Variants in MAP1A observed in about 807,000 individuals in gnomAD.
MAP1A encodes the protein microtubule associated protein 1A.
A neutral mutation model predicts 185.9 loss-of-function variants in MAP1A; 42 were observed. The observed-to-expected ratio is 0.23, with a 90% confidence interval of 0.18 to 0.29. MAP1A has a LOEUF of 0.29. Among genes scored for constraint, MAP1A ranks in the 10% least tolerant of loss-of-function variants. MAP1A has a pLI of 1.00. For synonymous variants in MAP1A, 1,229 were observed against 1,335.9 expected (o/e 0.92, Z 1.74); for missense variants, 2,995 against 3,450.4 (o/e 0.87, Z 3.31).
chr15:43,523,053 C>T lies in MAP1A; in HGVS notation c.1580C>T (p.Ser527Leu), dbSNP rs1449810482. ...ISGHRELVLSSPEDLTQDFEE... is the reference protein window; with the variant it reads ...ISGHRELVLSLPEDLTQDFEE... Reference sequence around the variant, plus strand: ...GGGCACAGGGAGCTGGTCCTATCCTCACCAGAGGACCTCACACAGGACTTT... The same window carrying T: ...GGGCACAGGGAGCTGGTCCTATCCTTACCAGAGGACCTCACACAGGACTTT... The change falls in exon 4 of 6, where the codon TCA (serine) becomes TTA (leucine). Residue 527 changes from serine (S) to leucine (L), a missense_variant. Coordinates refer to ENST00000300231, the MANE Select transcript of MAP1A (RefSeq NM_002373.6). The T allele has an allele frequency of 4.3e-6, 7 of 1,614,086 alleles. No homozygotes were observed. Among genetic ancestry groups the T allele is most frequent in the Non-Finnish European group, 5.9e-6 (7 of 1,180,040 alleles).
Position 43,522,416 on chromosome 15 carries a change from C to G in MAP1A, c.943C>G (p.Gln315Glu), listed in dbSNP as rs200067722. 41 of 1,614,010 alleles carry G rather than the reference C, an allele frequency of 2.5e-5. No individual in the cohort carries two copies. Among genetic ancestry groups the G allele is most frequent in the Non-Finnish European group, 2.5e-6 (3 of 1,180,026 alleles). Residue 315 changes from glutamine to glutamate, a missense_variant, in exon 4 of 6, where the codon CAG becomes GAG. Gln to Glu is a conservative substitution (Grantham distance 29, BLOSUM62 2). Transcript: ENST00000300231. This position sits in a 1 kb window ranked among gnomAD's most constrained non-coding sequence, Gnocchi z 5.9. ...PTNLKPSKIK[Q>E]RADSKESLKA... The stretch of plus-strand genomic sequence containing the variant: ...CAACCTCAAGCCCAGCAAAATCAAA[C>G]AGCGGGCTGATAGCAAGGAGAGCCT...
intron 1 of MAP1A, chr15:43,511,287 A>C: frequency 7.5e-7 from 1 of 1,335,542 alleles, no homozygotes; most frequent in Non-Finnish European, 1.0e-6. Flanking sequence ...CGCCTTCTGC[A>C]TTCAACTACC....
chr15:43,520,960 C>T lies in MAP1A; in HGVS notation c.-291-12C>T. The T allele has an allele frequency of 6.5e-7, 1 of 1,548,862 alleles. No individual in the cohort carries two copies. Among genetic ancestry groups the T allele is most frequent in the Non-Finnish European group, 8.7e-7 (1 of 1,145,942 alleles). ...TCCTATATCTGTGACCACTCCCCTT[C>T]TTCCATTCCAGGTTCATCATCTTCT... On this transcript the variant is annotated splice_polypyrimidine_tract_variant and intron_variant, in intron 2 of 5. Transcript: ENST00000300231.
chr15:43,513,460 T>G (rs77311621), upstream of MAP1A, among the ~76,000 whole-genome samples: 84 of 152,352 alleles, frequency 5.5e-4, 2 homozygotes, highest in East Asian at 0.016. Flanking sequence ...AATGATTGAA[T>G]TCATGTCTTA....
Position 43,524,947 on chromosome 15 carries a change from G to A in MAP1A, c.3474G>A (p.Val1158=), listed in dbSNP as rs769132615. ...CAGAATCCCTCTCTGTCCTCAGCGT[G>A]CCCTCCCCAGACACTGCCAACCAAG... ...EDAESLSVLS[V]PSPDTANQEP... is the part of the protein sequence containing the mutation. Residue 1158 remains valine, a synonymous_variant, in exon 4 of 6, where the codon GTG becomes GTA. Transcript: ENST00000300231. The A allele has an allele frequency of 2.2e-5, 36 of 1,613,962 alleles. No individual in the cohort carries two copies. Among genetic ancestry groups the A allele is most frequent in the Admixed American group, 1.0e-4 (6 of 59,982 alleles).
chr15:43,511,161 T>G (rs1404697090), exon 1 of MAP1A: 1 of 1,550,542 alleles, frequency 6.4e-7, no homozygotes. Flanking sequence ...CACTCTTTGC[T>G]AATTGTGATC....
Position 43,527,454 on chromosome 15 carries a change from G to A in MAP1A, c.5981G>A (p.Gly1994Glu). 1.2e-6 allele frequency: 2 copies of A among 1,614,174 alleles called. No individual in the cohort carries two copies. The highest frequency in any genetic ancestry group is 1.7e-6 in the Non-Finnish European group (2 of 1,180,008). ...AGAGAGCCTCCACTTGGAGCAGCTGGGGATTGGCCCCCATGCCTCTCAACC... is the reference window on the plus strand; with the variant it reads ...AGAGAGCCTCCACTTGGAGCAGCTGAGGATTGGCCCCCATGCCTCTCAACC... Reference protein sequence around the residue: ...PTREPPLGAAGDWPPCLSTKE... With the variant: ...PTREPPLGAAEDWPPCLSTKE... Residue 1994 changes from glycine (G) to glutamate (E), a missense_variant, in exon 4 of 6, where the codon GGG becomes GAG. This residue lies in a region of MAP1A where 2,728 missense variants were observed against 2,986.0 expected (regional missense o/e 0.91). Coordinates refer to ENST00000300231, the MANE Select transcript of MAP1A (RefSeq NM_002373.6).
At position 43,521,558 on chromosome 15, in the gene MAP1A, T is replaced by A. The variant is rs1286206227; in HGVS notation, c.85T>A (p.Ser29Thr). The A allele has an allele frequency of 1.9e-6, 3 of 1,614,060 alleles. No individual in the cohort carries two copies. The South Asian group carries it at 3.3e-5, about 18-fold the overall frequency. The change falls in exon 4 of 6, where the codon TCA becomes ACA. Residue 29 changes from serine (S) to threonine (T), a missense_variant. This residue lies in a region of MAP1A where 264 missense variants were observed against 435.3 expected (regional missense o/e 0.61). Coordinates refer to ENST00000300231, the MANE Select transcript of MAP1A (RefSeq NM_002373.6). This position sits in a 1 kb window ranked among gnomAD's most constrained non-coding sequence, Gnocchi z 4.6. ...SPFDLLEPPT[S>T]GGFLKLSKPC... is the part of the protein sequence containing the mutation. ...ATTTGACCTACTAGAGCCCCCCACCTCAGGGGGCTTCCTCAAGCTCTCCAA... is the reference window on the plus strand; with the variant it reads ...ATTTGACCTACTAGAGCCCCCCACCACAGGGGGCTTCCTCAAGCTCTCCAA...
In MAP1A at chr15:43,524,544, T is replaced by A. The variant is rs746910862; in HGVS notation, c.3071T>A (p.Phe1024Tyr). The change falls in exon 4 of 6, where the codon TTT becomes TAT. Residue 1024 changes from phenylalanine to tyrosine, a missense_variant. Around this residue, in one of 3 missense-constraint regions of MAP1A, gnomAD observed 2,728 missense variants for 2,986.0 expected, o/e 0.91. Coordinates refer to ENST00000300231, the MANE Select transcript of MAP1A (RefSeq NM_002373.6). ...GAAGAAAAGTCTGAGCCCCAAGACTTTCAGGAGGCAGACTCCTGGGGAGAC... is the reference window on the plus strand; with the variant it reads ...GAAGAAAAGTCTGAGCCCCAAGACTATCAGGAGGCAGACTCCTGGGGAGAC... ...PVEEKSEPQD[F>Y]QEADSWGDTK... 8.7e-6 allele frequency: 14 copies of A among 1,614,048 alleles called. 1 individual carries two copies. In the South Asian group the frequency reaches 1.3e-4, roughly 15 times the overall value.
At chr15:43,516,094 G>A (rs2079296104), upstream of MAP1A, among the ~76,000 whole-genome samples, 1 of 152,208 alleles carries the variant, frequency 6.6e-6, no homozygotes, top group East Asian at 1.9e-4. Context: ...GCAGGGAGGA[G>A]ATAGAAGGCT....
At position 43,520,973 on chromosome 15, in the gene MAP1A, T is replaced by C; in HGVS notation, c.-290T>C. The C allele has an allele frequency of 6.5e-7, 1 of 1,549,804 alleles. No homozygotes were observed. Among genetic ancestry groups the C allele is most frequent in the Non-Finnish European group, 8.7e-7 (1 of 1,146,506 alleles). On this transcript the variant is annotated splice_region_variant and 5_prime_UTR_variant, in exon 3 of 6. Transcript: ENST00000300231. Reference sequence around the variant, plus strand: ...ACCACTCCCCTTCTTCCATTCCAGGTTCATCATCTTCTTAGCAGCTCATCA... The same window carrying C: ...ACCACTCCCCTTCTTCCATTCCAGGCTCATCATCTTCTTAGCAGCTCATCA...
At position 43,530,321 on chromosome 15, in the gene MAP1A, G is replaced by C. The variant is rs549329345; in HGVS notation, c.*97G>C. On this transcript the variant is annotated 3_prime_UTR_variant, in exon 6 of 6. Coordinates refer to ENST00000300231, the MANE Select transcript of MAP1A (RefSeq NM_002373.6). Reference sequence around the variant, plus strand: ...TGGGGTTGAGGGAGATGGGAGCTAGGGGGAGGGGAGGGAGATGTCTTGTTG... The same window carrying C: ...TGGGGTTGAGGGAGATGGGAGCTAGCGGGAGGGGAGGGAGATGTCTTGTTG... 4.7e-5 allele frequency: 68 copies of C among 1,461,634 alleles called. No individual in the cohort carries two copies. The highest frequency in any genetic ancestry group is 2.3e-4 in the Middle Eastern group (1 of 4,288). 90.5% of individuals were successfully genotyped at this position (1,461,634 alleles called of 1,614,324 possible).
chr15:43,518,504 C>G (rs1477055252), intron 1 of MAP1A, among the ~76,000 whole-genome samples: 1 of 152,106 alleles, frequency 6.6e-6, no homozygotes, highest in African/African-American at 2.4e-5. Flanking sequence ...TCTGCATCCC[C>G]CCATCCCCAC....
chr15:43,513,350 G>A (rs2079288719), upstream of MAP1A, among the ~76,000 whole-genome samples: 1 of 151,640 alleles, frequency 6.6e-6, no homozygotes, highest in African/African-American at 2.4e-5. Context: ...AAAAGAAAAA[G>A]GAGCTAGGCA....
chr15:43,522,510 A>T lies in MAP1A; in HGVS notation c.1037A>T (p.Lys346Met). 2 of 1,613,716 alleles carry T rather than the reference A, an allele frequency of 1.2e-6. No individual in the cohort carries two copies. The highest frequency in any genetic ancestry group is 1.7e-6 in the Non-Finnish European group (2 of 1,179,830). The change falls in exon 4 of 6, where the codon AAG (lysine) becomes ATG (methionine). Residue 346 changes from lysine to methionine, a missense_variant. This residue lies in a region of MAP1A where 2,728 missense variants were observed against 2,986.0 expected (regional missense o/e 0.91). Transcript: ENST00000300231. This position sits in a 1 kb window ranked among gnomAD's most constrained non-coding sequence, Gnocchi z 5.9. ...KREEVVEEGA[K>M]EARSELAKEL... is the part of the protein sequence containing the mutation. ...GAGGAGGTGGTAGAAGAGGGAGCCA[A>T]GGAGGCACGTTCAGAGCTGGCCAAG... is the stretch of plus-strand genomic sequence containing the variant.
upstream of MAP1A, among the ~76,000 whole-genome samples, chr15:43,516,127 G>A (rs2079296288): frequency 6.6e-6 from 1 of 152,206 alleles, no homozygotes; most frequent in Non-Finnish European, 1.5e-5. Flanking sequence ...AAATAAGAAC[G>A]ATGAAGTTGC....
At position 43,521,123 on chromosome 15, in the gene MAP1A, T is replaced by C; in HGVS notation, c.-151+11T>C. The C allele has an allele frequency of 1.3e-6, 2 of 1,542,832 alleles. No homozygotes were observed. The highest frequency in any genetic ancestry group is 2.4e-5 in the South Asian group (2 of 83,822). On this transcript the variant is annotated intron_variant, in intron 3 of 5. Transcript: ENST00000300231. The surrounding 1 kb of genome is among the most constrained non-coding windows in gnomAD (Gnocchi z 4.6). ...CTTCACAACCCCGAGGTAAGTTCCA[T>C]GCCAGAGTGTCTGGGAGAAAGGGTA...
rs758657683 is a variant in MAP1A, at chr15:43,524,890, A to T, written c.3417A>T (p.Arg1139Ser). ...PGKPQKDEVL[R>S]YPDRSLSPED... ...AACCTCAGAAAGATGAGGTGCTCAGATATCCTGACCGAAGCCTCTCTCCTG... is the reference window on the plus strand; with the variant it reads ...AACCTCAGAAAGATGAGGTGCTCAGTTATCCTGACCGAAGCCTCTCTCCTG... The change falls in exon 4 of 6, where the codon AGA (arginine) becomes AGT (serine). Residue 1139 changes from arginine to serine, a missense_variant. Arg to Ser is a moderately radical substitution (Grantham distance 110, BLOSUM62 -1). Around this residue, in one of 3 missense-constraint regions of MAP1A, gnomAD observed 2,728 missense variants for 2,986.0 expected, o/e 0.91. Coordinates refer to ENST00000300231, the MANE Select transcript of MAP1A (RefSeq NM_002373.6). 9.9e-6 allele frequency: 16 copies of T among 1,614,062 alleles called. No homozygotes were observed. In the East Asian group the frequency reaches 3.6e-4, roughly 36 times the overall value.
In MAP1A at chr15:43,528,302, C is replaced by T. The variant is rs149749709; in HGVS notation, c.6829C>T (p.Pro2277Ser). ...TTCAAGTGTGGCGGAGCGCTTCTCT[C>T]CAAGCCTTGAGGCTGCAGAACAGGA... is the stretch of plus-strand genomic sequence containing the variant. ...VISSVAERFS[P>S]SLEAAEQESG... The change falls in exon 4 of 6, where the codon CCA becomes TCA. Residue 2277 changes from proline to serine, a missense_variant. Around this residue, in one of 3 missense-constraint regions of MAP1A, gnomAD observed 2,728 missense variants for 2,986.0 expected, o/e 0.91. Transcript: ENST00000300231. 3 of 1,614,112 alleles carry T rather than the reference C, an allele frequency of 1.9e-6. No homozygotes were observed. Among genetic ancestry groups the T allele is most frequent in the Non-Finnish European group, 1.7e-6 (2 of 1,180,036 alleles).
Sources: allele counts gnomAD v4.1 joint callset (sites outside exome capture counted in the v4.1 genomes callset), GRCh38; gene constraint gnomAD v4.1.1; regional missense constraint gnomAD v4.1.1; non-coding constraint Gnocchi (gnomAD v3.1); transcripts MANE v1.5; gene names NCBI Gene and HGNC (gene_info 2026-07-23, HGNC 2026-07-21).